Variants in GRM7 observed in about 807,000 individuals in gnomAD.
GRM7 encodes metabotropic glutamate receptor 7.
GRM7 carries 35 observed loss-of-function variants against 84.5 expected under a neutral mutation model. The observed-to-expected ratio is 0.41, with a 90% confidence interval of 0.32 to 0.55. The LOEUF is 0.55. Among genes scored for constraint, GRM7 ranks in the 20% least tolerant of loss-of-function variants. The probability of loss-of-function intolerance (pLI) is 0.19; values close to 1 mark genes in which losing one functional copy is unlikely to be tolerated. For missense variants in GRM7, 1,003 were observed against 1,194.6 expected (o/e 0.84, Z 2.36); for synonymous variants, 487 against 455.1 (o/e 1.07, Z -0.89).
intron 1 of GRM7, among the ~76,000 whole-genome samples, chr3:6,925,335 G>T (rs1410460483): frequency 6.6e-6 from 1 of 152,116 alleles, no homozygotes; most frequent in Admixed American, 6.5e-5. Context: ...ATTAATGAAT[G>T]AATGAATCAA....
chr3:7,381,755 T>A (rs1694600880), intron 4 of GRM7, among the ~76,000 whole-genome samples: 1 of 152,138 alleles, frequency 6.6e-6, no homozygotes, highest in Non-Finnish European at 1.5e-5. Flanking sequence ...AATTGTAGGA[T>A]CTCATTAATT....
intron 1 of GRM7, among the ~76,000 whole-genome samples, chr3:7,064,996 ACTGT>A (rs1282446026): frequency 6.6e-6 from 1 of 151,428 alleles, no homozygotes; most frequent in African/African-American, 2.4e-5. Context: ...TCTTTTGAAA[ACTGT>A]CTGTTCATGT....
At position 7,229,744 on chromosome 3, in the gene GRM7, TATATATATATATA is replaced by T. The variant is rs1559514596; in HGVS notation, c.737-68939_737-68927del. On this transcript the variant is annotated intron_variant, in intron 2 of 9. Coordinates refer to ENST00000357716, the MANE Select transcript of GRM7 (RefSeq NM_000844.4). ...ACACACACATATATATATATATATA[TATATATATATATA>T]TATTTTTTTTTTTTTTTGGTTGACA... Among the ~76,000 whole-genome samples the T allele has an allele frequency of 2.1e-3, 76 of 36,142 alleles. 2 individuals are homozygous for T. Among genetic ancestry groups the T allele is most frequent in the African/African-American group, 5.4e-3 (69 of 12,780 alleles). 23.7% of individuals were successfully genotyped at this position (36,142 alleles called of 152,430 possible).
chr3:7,423,996 C>G (rs558409732), intron 5 of GRM7, among the ~76,000 whole-genome samples: 1 of 152,246 alleles, frequency 6.6e-6, no homozygotes, highest in South Asian at 2.1e-4. Flanking sequence ...CTGCTTCAGT[C>G]TCACTAATTT....
chr3:7,589,494 T>C (rs1433634756), intron 8 of GRM7, among the ~76,000 whole-genome samples: 2 of 152,204 alleles, frequency 1.3e-5, no homozygotes, highest in Non-Finnish European at 2.9e-5. Context: ...AGATGCTTCA[T>C]TGTTGACAAT....
chr3:7,384,556 C>G (rs546102444), intron 4 of GRM7, among the ~76,000 whole-genome samples: 1 of 151,884 alleles, frequency 6.6e-6, no homozygotes, highest in Non-Finnish European at 1.5e-5. Flanking sequence ...TTTATTTAAC[C>G]CAATGTATCC....
intron 7 of GRM7, among the ~76,000 whole-genome samples, chr3:7,541,645 C>T (rs1036146310): frequency 1.3e-5 from 2 of 152,180 alleles, no homozygotes; most frequent in Non-Finnish European, 2.9e-5. Flanking sequence ...CCCTTTCTCT[C>T]CATTTGTATT....
At chr3:6,957,025 A>G (rs1693080754) in intron 1 of GRM7, among the ~76,000 whole-genome samples, 1 of 152,226 alleles carries the variant, frequency 6.6e-6, no homozygotes, top group South Asian at 2.1e-4. Flanking sequence ...CCTTCTATTT[A>G]TATGTATAGA....
At chr3:7,150,213 T>C (rs1369634406) in intron 2 of GRM7, among the ~76,000 whole-genome samples, 1 of 152,124 alleles carries the variant, frequency 6.6e-6, no homozygotes, top group Non-Finnish European at 1.5e-5. Flanking sequence ...TTGAAGGTTG[T>C]GATTCTTTTC....
chr3:6,885,224 G>A (rs1294738383), intron 1 of GRM7, among the ~76,000 whole-genome samples: 2 of 152,158 alleles, frequency 1.3e-5, no homozygotes, highest in Admixed American at 1.3e-4. Flanking sequence ...TGAAGCAGTA[G>A]CCTACAGCAG....
intron 1 of GRM7, among the ~76,000 whole-genome samples, chr3:6,986,472 T>G (rs1389760894): frequency 6.6e-6 from 1 of 152,222 alleles, no homozygotes; most frequent in Admixed American, 6.5e-5. Flanking sequence ...TAAGCATTCA[T>G]TTAGTTCCAG....
At position 7,428,867 on chromosome 3, in the gene GRM7, T is replaced by C. The variant is rs566567782; in HGVS notation, c.1174+13704T>C. Among the ~76,000 whole-genome samples, 30 of 152,352 alleles carry C rather than the reference T, an allele frequency of 2.0e-4. No individual in the cohort carries two copies. In the South Asian group the frequency reaches 6.2e-3, roughly 32 times the overall value. On this transcript the variant is annotated intron_variant, in intron 5 of 9. Transcript: ENST00000357716. Reference sequence around the variant, plus strand: ...GTTAATTTTCTTCATTAAAATATTATATGATAAGCCAGTGACTTCGTATCC... The same window carrying C: ...GTTAATTTTCTTCATTAAAATATTACATGATAAGCCAGTGACTTCGTATCC...
At chr3:7,644,154 GTATA>G (rs56065518) in intron 8 of GRM7, among the ~76,000 whole-genome samples, 2 of 102,878 alleles carry the variant, frequency 1.9e-5, no homozygotes, top group South Asian at 2.9e-4. Context: ...ATGTCTGTAC[GTATA>G]TATATATATG....
intron 4 of GRM7, among the ~76,000 whole-genome samples, chr3:7,388,228 T>C (rs965404112): frequency 5.9e-5 from 9 of 152,156 alleles, no homozygotes; most frequent in African/African-American, 1.7e-4. Flanking sequence ...AATCATATCA[T>C]CAGTGAAGAG....
chr3:7,492,510 T>G (rs958360228), intron 7 of GRM7, among the ~76,000 whole-genome samples: 3 of 152,132 alleles, frequency 2.0e-5, no homozygotes, highest in Non-Finnish European at 2.9e-5. Flanking sequence ...TGGTTGGTTG[T>G]TGTTCTATTT....
At chr3:7,670,708 A>AT (rs57718947) in intron 8 of GRM7, among the ~76,000 whole-genome samples, 152,315 of 152,316 alleles carry the variant, frequency 1, 76,157 homozygotes, top group Non-Finnish European at 1. Flanking sequence ...TTAGAAACTG[A>AT]TAAGCTCAGA....
At chr3:7,044,201 A>G (rs1201122954) in intron 1 of GRM7, among the ~76,000 whole-genome samples, 1 of 152,180 alleles carries the variant, frequency 6.6e-6, no homozygotes, top group Non-Finnish European at 1.5e-5. Context: ...GCATGGATCC[A>G]TGAATCAATA....
rs1459628833 is a variant in GRM7, at chr3:6,863,886, A to G, written c.519+1979A>G. Among the ~76,000 whole-genome samples the G allele has an allele frequency of 6.6e-6, 1 of 152,156 alleles. No individual in the cohort carries two copies. Among genetic ancestry groups the G allele is most frequent in the African/African-American group, 2.4e-5 (1 of 41,430 alleles). On this transcript the variant is annotated intron_variant, in intron 1 of 9. Transcript: ENST00000357716. The surrounding 1 kb of genome is among the most constrained non-coding windows in gnomAD (Gnocchi z 4.8). ...CCTGTCTCTGTCTGAAAAAAGAGTGAAATGTTAAAGTCAAGAAAGGGGTTA... is the reference window on the plus strand; with the variant it reads ...CCTGTCTCTGTCTGAAAAAAGAGTGGAATGTTAAAGTCAAGAAAGGGGTTA...
chr3:7,120,756 A>C (rs183082304), intron 1 of GRM7, among the ~76,000 whole-genome samples: 1 of 152,334 alleles, frequency 6.6e-6, no homozygotes, highest in East Asian at 1.9e-4. Flanking sequence ...AACAGTTTTA[A>C]AAATCTCATA....
Sources: allele counts gnomAD v4.1 joint callset (sites outside exome capture counted in the v4.1 genomes callset), GRCh38; gene constraint gnomAD v4.1.1; non-coding constraint Gnocchi (gnomAD v3.1); transcripts MANE v1.5; gene names NCBI Gene and HGNC (gene_info 2026-07-23, HGNC 2026-07-21).